KIFC1: variants seen among roughly 807,000 people sequenced by gnomAD.
KIFC1 encodes kinesin family member C1, also known as kinesin-like protein KIFC1.
A neutral mutation model predicts 66.6 loss-of-function variants in KIFC1; 37 were observed. The ratio of observed to expected loss-of-function variants is 0.56; its 90% CI spans 0.43 to 0.73. KIFC1 has a LOEUF of 0.73. Among genes scored for constraint, KIFC1 ranks in the 30% least tolerant of loss-of-function variants. KIFC1 has a pLI of 0.00. For missense variants in KIFC1, 721 were observed against 859.8 expected (o/e 0.84, Z 2.02); for synonymous variants, 325 against 343.5 (o/e 0.95, Z 0.60).
intron 10 of KIFC1, among the ~76,000 whole-genome samples, chr6:33,409,333 C>T (rs921277683): frequency 2.6e-5 from 4 of 152,110 alleles, no homozygotes; most frequent in African/African-American, 9.7e-5. Context: ...ACTATTTTAT[C>T]TCGGTTTAAG....
intron 3 of KIFC1, among the ~76,000 whole-genome samples, chr6:33,402,704 T>C (rs1581916515): frequency 1.4e-5 from 2 of 145,050 alleles, no homozygotes; most frequent in South Asian, 2.2e-4. Flanking sequence ...CATTCCAGCC[T>C]GGGTGAGAAG....
At chr6:33,392,457 G>A (rs1774836354) in intron 1 of KIFC1, among the ~76,000 whole-genome samples, 1 of 152,210 alleles carries the variant, frequency 6.6e-6, no homozygotes, top group African/African-American at 2.4e-5. Flanking sequence ...GCTTCGGAGT[G>A]TAGGAAAGGG....
intron 1 of KIFC1, among the ~76,000 whole-genome samples, chr6:33,397,743 A>G (rs1775130454): frequency 6.6e-6 from 1 of 152,188 alleles, no homozygotes; most frequent in Admixed American, 6.5e-5. Flanking sequence ...CATGCTATGT[A>G]CATATTTGAA....
At position 33,405,627 on chromosome 6, in the gene KIFC1, AAG is replaced by A; in HGVS notation, c.1534_1535del (p.Glu512SerfsTer21). 1 of 1,510,726 alleles carries A rather than the reference AAG, an allele frequency of 6.6e-7. No individual in the cohort carries two copies. Among genetic ancestry groups the A allele is most frequent in the Non-Finnish European group, 8.8e-7 (1 of 1,133,844 alleles). The allele number at this position is 1,510,726 out of a possible 1,614,324, so 93.6% of individuals were successfully genotyped here. A position where few individuals can be genotyped will look rare whatever the true frequency, so the allele number is the denominator to read the frequency against. ...CGATATGTCCCTGTCTCCTGTGAGA[AAG>A]AAGTGAGGACCCATGGGCACTGGAA... On this transcript the variant is annotated frameshift_variant and splice_region_variant, in exon 7 of 11. Transcript: ENST00000428849. LOFTEE classifies it high-confidence loss of function. This position sits in a 1 kb window ranked among gnomAD's most constrained non-coding sequence, Gnocchi z 5.4.
intron 1 of KIFC1, among the ~76,000 whole-genome samples, chr6:33,396,436 C>CTTTTTTTTTTTTTT (rs199749552): frequency 2.9e-4 from 34 of 116,262 alleles, no homozygotes; most frequent in Non-Finnish European, 4.3e-4. Flanking sequence ...CTTTTCTTTT[C>CTTTTTTTTTTTTTT]TTTTTTTTTT....
chr6:33,398,495 C>T (rs62407901), intron 3 of KIFC1, 108 bp downstream of exon 3: 32,630 of 880,734 alleles, frequency 0.037, 724 homozygotes, highest in South Asian at 0.049. Flanking sequence ...GACAGAGTCT[C>T]GCTCTATCGC....
intron 1 of KIFC1, among the ~76,000 whole-genome samples, chr6:33,397,169 G>GT: frequency 1.3e-5 from 2 of 149,188 alleles, no homozygotes. Context: ...TAGAAACAGG[G>GT]TTTCACCATG....
In KIFC1 at chr6:33,403,153, G is replaced by A. The variant is rs1775461248; in HGVS notation, c.251-161G>A. Among the ~76,000 whole-genome samples, 1 of 152,114 alleles carries A rather than the reference G, an allele frequency of 6.6e-6. No homozygotes were observed. Among genetic ancestry groups the A allele is most frequent in the African/African-American group, 2.4e-5 (1 of 41,404 alleles). ...GGATGACTGTAATTTCTGGTTCTAG[G>A]GGAGGTATCATTAGGAGCTGGCCAG... On this transcript the variant is annotated intron_variant, in intron 3 of 10. Coordinates refer to ENST00000428849, the MANE Select transcript of KIFC1 (RefSeq NM_002263.4). This position sits in a 1 kb window ranked among gnomAD's most constrained non-coding sequence, Gnocchi z 4.6.
chr6:33,409,638 G>A lies in KIFC1; in HGVS notation c.1978-8G>A. ...AAACTTTTATCCTGTCTAACCCCCT[G>A]CCCCCAGGTGAACCAGTGTGTTATT... On this transcript the variant is annotated splice_region_variant and splice_polypyrimidine_tract_variant and intron_variant, in intron 10 of 10. Transcript: ENST00000428849. The A allele has an allele frequency of 1.2e-6, 2 of 1,613,116 alleles. No individual in the cohort carries two copies. The highest frequency in any genetic ancestry group is 1.7e-6 in the Non-Finnish European group (2 of 1,179,622).
chr6:33,399,975 T>C (rs1775293488), intron 3 of KIFC1: 1 of 584,502 alleles, frequency 1.7e-6, no homozygotes, highest in African/African-American at 1.9e-5. Flanking sequence ...TTGCCAAGGC[T>C]GATGTAACAT....
rs1774807153 is a variant in KIFC1, at chr6:33,391,997, G to C, written c.12G>C (p.Gln4His). The C allele has an allele frequency of 6.2e-7, 1 of 1,613,836 alleles. No individual in the cohort carries two copies. Among genetic ancestry groups the C allele is most frequent in the Admixed American group, 1.7e-5 (1 of 59,998 alleles). The change falls in exon 1 of 11, where the codon CAG (glutamine) becomes CAC (histidine). Residue 4 changes from glutamine (Q) to histidine (H), a missense_variant and splice_region_variant. Coordinates refer to ENST00000428849, the MANE Select transcript of KIFC1 (RefSeq NM_002263.4). MDPQRSPLLEVKGN... is the reference protein window; with the variant it reads MDPHRSPLLEVKGN... ...GGACCGAGGTGGACATGGATCCGCA[G>C]GTGAGTAGGGGCGGCGCAGGTGTCC...
At position 33,405,111 on chromosome 6, in the gene KIFC1, G is replaced by A. The variant is rs1290009286; in HGVS notation, c.1016G>A (p.Gly339Asp). 6.2e-7 allele frequency: 1 copy of A among 1,614,122 alleles called. No individual in the cohort carries two copies. The highest frequency in any genetic ancestry group is 1.1e-5 in the South Asian group (1 of 91,082). ...PGLLLFPSGPGGPSDPPTRLS... is the reference protein window; with the variant it reads ...PGLLLFPSGPDGPSDPPTRLS... The stretch of plus-strand genomic sequence containing the variant: ...CTCCTCCTGTTTCCCTCTGGCCCTG[G>A]TGGGCCCTCTGATCCTCCAACCCGC... Residue 339 changes from glycine (G) to aspartate (D), a missense_variant, in exon 7 of 11, where the codon GGT becomes GAT. Physicochemically the swap from Gly to Asp is moderately conservative, Grantham distance 94 (BLOSUM62 -1). Transcript: ENST00000428849. The surrounding 1 kb of genome is among the most constrained non-coding windows in gnomAD (Gnocchi z 5.4).
rs1032142802 is a variant in KIFC1, at chr6:33,409,837, A to T, written c.*147A>T. 1 of 759,270 alleles carries T rather than the reference A, an allele frequency of 1.3e-6. No homozygotes were observed. Among genetic ancestry groups the T allele is most frequent in the African/African-American group, 1.8e-5 (1 of 55,702 alleles). The allele number at this position is 759,270 out of a possible 1,614,324, so 47.0% of individuals were successfully genotyped here. On this transcript the variant is annotated 3_prime_UTR_variant, in exon 11 of 11. Transcript: ENST00000428849. ...GTGGAGGGCACCATGTCCCAGGGCT[A>T]TCAAATAAAGAATAGTTTGGTTTTT...
intron 1 of KIFC1, among the ~76,000 whole-genome samples, chr6:33,395,941 G>A (rs1775011674): frequency 6.6e-6 from 1 of 152,066 alleles, no homozygotes; most frequent in Non-Finnish European, 1.5e-5. Context: ...CACAGTTTAA[G>A]TATTGCCCCA....
rs539361432 is a variant in KIFC1 at position 33,397,427 on chromosome 6, A to G, written c.13-602A>G. On this transcript the variant is annotated intron_variant, in intron 1 of 10. Transcript: ENST00000428849. ...ATTCTCCTGACTCAGCCTCCCGAGT[A>G]GCTGGGATTGCAGGCATGTGCCACC... 6.0e-5 allele frequency among the ~76,000 whole-genome samples: 9 copies of G among 150,624 alleles called. No homozygotes were observed. In the South Asian group the frequency reaches 1.7e-3, roughly 28 times the overall value.
At position 33,409,662 on chromosome 6, in the gene KIFC1, T is replaced by A; in HGVS notation, c.1994T>A (p.Ile665Asn). 2 of 1,612,718 alleles carry A rather than the reference T, an allele frequency of 1.2e-6. No homozygotes were observed. The highest frequency in any genetic ancestry group is 1.7e-6 in the Non-Finnish European group (2 of 1,179,718). ...TGCCCCCAGGTGAACCAGTGTGTTA[T>A]TGGTACTGCTCAGGCCAACAGGAAG... is the stretch of plus-strand genomic sequence containing the variant. Reference protein sequence around the residue: ...RFASKVNQCVIGTAQANRK With the variant: ...RFASKVNQCVNGTAQANRK Residue 665 changes from isoleucine to asparagine, a missense_variant, in exon 11 of 11, where the codon ATT becomes AAT. Ile to Asn is a moderately radical substitution (Grantham distance 149). Coordinates refer to ENST00000428849, the MANE Select transcript of KIFC1 (RefSeq NM_002263.4).
chr6:33,406,340 C>T lies in KIFC1; in HGVS notation c.1681C>T (p.Leu561Phe). 1 of 1,614,246 alleles carries T rather than the reference C, an allele frequency of 6.2e-7. No individual in the cohort carries two copies. The highest frequency in any genetic ancestry group is 8.5e-7 in the Non-Finnish European group (1 of 1,180,042). The change falls in exon 8 of 11, where the codon CTC (leucine) becomes TTC (phenylalanine). Residue 561 changes from leucine to phenylalanine, a missense_variant. Coordinates refer to ENST00000428849, the MANE Select transcript of KIFC1 (RefSeq NM_002263.4). The surrounding 1 kb of genome is among the most constrained non-coding windows in gnomAD (Gnocchi z 4.5). ...SSRGLQCGAP[L>F]SLVDLAGSER... ...CCGAGGCCTGCAGTGTGGGGCCCCCCTCAGTCTTGTGGACCTGGCCGGGAG... is the reference window on the plus strand; with the variant it reads ...CCGAGGCCTGCAGTGTGGGGCCCCCTTCAGTCTTGTGGACCTGGCCGGGAG...
intron 1 of KIFC1, 98 bp downstream of exon 1, chr6:33,392,095 A>G: frequency 3.6e-6 from 5 of 1,375,230 alleles, no homozygotes; most frequent in Non-Finnish European, 5.1e-6. Context: ...GGCCTTTGTC[A>G]TGTCTACCGG....
In KIFC1 at chr6:33,401,504, A is replaced by T. The variant is rs1233549629; in HGVS notation, c.251-1810A>T. On this transcript the variant is annotated intron_variant, in intron 3 of 10. Coordinates refer to ENST00000428849, the MANE Select transcript of KIFC1 (RefSeq NM_002263.4). This position sits in a 1 kb window ranked among gnomAD's most constrained non-coding sequence, Gnocchi z 4.5. ...CCAAGAAATAAGCTTAAATTTGAAA[A>T]ATTTTAAATATTATTTTGCTTTTCA... Among the ~76,000 whole-genome samples, 1 of 152,122 alleles carries T rather than the reference A, an allele frequency of 6.6e-6. No individual in the cohort carries two copies. Among genetic ancestry groups the T allele is most frequent in the Non-Finnish European group, 1.5e-5 (1 of 68,024 alleles).
Sources: allele counts gnomAD v4.1 joint callset (sites outside exome capture counted in the v4.1 genomes callset), GRCh38; gene constraint gnomAD v4.1.1; non-coding constraint Gnocchi (gnomAD v3.1); transcripts MANE v1.5; gene names NCBI Gene and HGNC (gene_info 2026-07-23, HGNC 2026-07-21).